GRIP1: variants seen among roughly 807,000 people sequenced by gnomAD.
GRIP1 encodes the protein glutamate receptor-interacting protein 1.
Under a neutral mutation model 129.9 loss-of-function variants are expected in GRIP1, and 45 were observed. The ratio of observed to expected loss-of-function variants is 0.35; its 90% CI spans 0.27 to 0.44. GRIP1 has a LOEUF of 0.44. Among genes scored for constraint, GRIP1 ranks in the 20% least tolerant of loss-of-function variants. The pLI, the probability that GRIP1 is intolerant of heterozygous loss-of-function variation, is 1.00. For synonymous variants in GRIP1, 530 were observed against 520.8 expected, an observed-to-expected ratio of 1.02 and a Z score of -0.24; for missense variants, 1,196 against 1,396.8, an observed-to-expected ratio of 0.86 and a Z score of 2.29.
At chr12:66,956,000 T>C (rs2041835299) in intron 1 of GRIP1, among the ~76,000 whole-genome samples, 1 of 152,262 alleles carries the variant, frequency 6.6e-6, no homozygotes, top group Non-Finnish European at 1.5e-5. Flanking sequence ...CAAGAGTTAG[T>C]TGTGCAGATA....
intron 11 of GRIP1, among the ~76,000 whole-genome samples, chr12:66,448,993 C>T (rs2058704141): frequency 6.6e-6 from 1 of 152,212 alleles, no homozygotes; most frequent in Admixed American, 6.5e-5. Flanking sequence ...GTGCCATGTG[C>T]CCCAACCCTC....
At chr12:67,022,326 A>G (rs888097138) in intron 1 of GRIP1, among the ~76,000 whole-genome samples, 16 of 152,192 alleles carry the variant, frequency 1.1e-4, no homozygotes, top group Non-Finnish European at 2.1e-4. Flanking sequence ...CAGTTTATTT[A>G]TGCATTCACC....
At chr12:66,529,400 A>G (rs2061370256) in intron 5 of GRIP1, among the ~76,000 whole-genome samples, 1 of 152,262 alleles carries the variant, frequency 6.6e-6, no homozygotes, top group African/African-American at 2.4e-5. Context: ...AATACCCATC[A>G]ATCAACTAGT....
intron 1 of GRIP1, among the ~76,000 whole-genome samples, chr12:67,014,480 A>C (rs1054470856): frequency 2.0e-5 from 3 of 152,204 alleles, no homozygotes; most frequent in African/African-American, 7.2e-5. Flanking sequence ...ATTCAGCAGC[A>C]GTCTGGGGTA....
intron 1 of GRIP1, among the ~76,000 whole-genome samples, chr12:66,687,175 A>T (rs1174003377): frequency 6.6e-6 from 1 of 152,226 alleles, no homozygotes; most frequent in Non-Finnish European, 1.5e-5. Flanking sequence ...ACAATATTTT[A>T]AGGTATCCTA....
At chr12:66,655,711 G>A (rs1476602814) in intron 1 of GRIP1, among the ~76,000 whole-genome samples, 3 of 148,432 alleles carry the variant, frequency 2.0e-5, no homozygotes, top group East Asian at 2.0e-4. Flanking sequence ...CCGGGTTCAC[G>A]CCATTCTCCT....
intron 1 of GRIP1, among the ~76,000 whole-genome samples, chr12:67,049,482 G>A (rs1295270782): frequency 2.0e-5 from 3 of 152,166 alleles, no homozygotes; most frequent in African/African-American, 4.8e-5. Context: ...AACACCGCGT[G>A]TTCCCACTCA....
At chr12:66,878,839 T>A (rs868183632) in intron 1 of GRIP1, among the ~76,000 whole-genome samples, 15 of 152,104 alleles carry the variant, frequency 9.9e-5, no homozygotes, top group Admixed American at 2.6e-4. Context: ...GACGCAATTT[T>A]AGAATGTCCA....
intron 1 of GRIP1, among the ~76,000 whole-genome samples, chr12:66,941,177 C>A (rs1420321554): frequency 6.6e-6 from 1 of 151,900 alleles, no homozygotes; most frequent in Non-Finnish European, 1.5e-5. Flanking sequence ...AAAAAAACTC[C>A]ATTCAGGGCA....
chr12:67,041,785 C>G (rs147275142), intron 1 of GRIP1, among the ~76,000 whole-genome samples: 1 of 151,330 alleles, frequency 6.6e-6, no homozygotes, highest in African/African-American at 2.4e-5. Context: ...AAAAAAACAA[C>G]CCTGTAATTA....
intron 1 of GRIP1, among the ~76,000 whole-genome samples, chr12:66,862,743 A>C (rs1206604970): frequency 6.6e-6 from 1 of 152,024 alleles, no homozygotes; most frequent in East Asian, 1.9e-4. Flanking sequence ...CGAGGGATGA[A>C]TCCCATCTAT....
At chr12:66,872,788 T>C (rs2040318013) in intron 1 of GRIP1, among the ~76,000 whole-genome samples, 1 of 152,116 alleles carries the variant, frequency 6.6e-6, no homozygotes, top group East Asian at 1.9e-4. Context: ...GTTTACCTTA[T>C]CAATTTGTCC....
chr12:66,367,162 G>A (rs1027399), intron 23 of GRIP1, among the ~76,000 whole-genome samples: 73,947 of 151,782 alleles, frequency 0.49, 18,391 homozygotes, highest in East Asian at 0.57. Flanking sequence ...ATCAATGAAC[G>A]GTAGCTGAGA....
intron 1 of GRIP1, among the ~76,000 whole-genome samples, chr12:67,026,984 G>A (rs921606140): frequency 7.9e-5 from 12 of 152,086 alleles, no homozygotes; most frequent in Middle Eastern, 3.2e-3. Flanking sequence ...GTGCAATGGC[G>A]CAATCACAGC....
intron 15 of GRIP1, among the ~76,000 whole-genome samples, chr12:66,418,239 C>A (rs2057679456): frequency 6.6e-6 from 1 of 151,978 alleles, no homozygotes; most frequent in Non-Finnish European, 1.5e-5. Flanking sequence ...TATCAACATG[C>A]AGAAGAAAAA....
At chr12:66,711,461 A>G (rs1405121528) in intron 1 of GRIP1, among the ~76,000 whole-genome samples, 1 of 151,906 alleles carries the variant, frequency 6.6e-6, no homozygotes, top group Non-Finnish European at 1.5e-5. Context: ...ATAGATCACA[A>G]AAGGTTTTGA....
intron 1 of GRIP1, among the ~76,000 whole-genome samples, chr12:66,880,835 T>G (rs1411147096): frequency 6.6e-6 from 1 of 152,132 alleles, no homozygotes; most frequent in Non-Finnish European, 1.5e-5. Context: ...TCAAACATAC[T>G]TTTGTTAATG....
chr12:66,378,940 CTG>C (rs1393524323), intron 20 of GRIP1, among the ~76,000 whole-genome samples: 1 of 150,802 alleles, frequency 6.6e-6, no homozygotes, highest in African/African-American at 2.5e-5. Flanking sequence ...GAGTGAGACT[CTG>C]TCTCAAAAAA....
chr12:66,796,362 A>G (rs12312393), intron 1 of GRIP1, among the ~76,000 whole-genome samples: 23,863 of 152,018 alleles, frequency 0.16, 2,434 homozygotes, highest in African/African-American at 0.28. Context: ...TGAATGTCAA[A>G]GAAACAAGCC....
Sources: allele counts gnomAD v4.1 joint callset (sites outside exome capture counted in the v4.1 genomes callset), GRCh38; gene constraint gnomAD v4.1.1; transcripts MANE v1.5; gene names NCBI Gene and HGNC (gene_info 2026-07-23, HGNC 2026-07-21).